Variants in SKAP2 observed in about 807,000 individuals in gnomAD.
SKAP2 encodes src kinase-associated phosphoprotein 2.
SKAP2 carries 28 observed loss-of-function variants against 54.9 expected under a neutral mutation model. The ratio of observed to expected loss-of-function variants is 0.51; its 90% CI spans 0.38 to 0.70. The LOEUF (loss-of-function observed/expected upper bound fraction) is 0.70. SKAP2 is among the 30% of genes least tolerant of loss of function. The pLI, the probability that SKAP2 is intolerant of heterozygous loss-of-function variation, is 0.00. For synonymous variants in SKAP2, 137 were observed against 134.3 expected (o/e 1.02, Z -0.14); for missense variants, 356 against 424.1 (o/e 0.84, Z 1.41).
At chr7:26,786,114 G>T (rs1321562643) in intron 4 of SKAP2, among the ~76,000 whole-genome samples, 1 of 152,196 alleles carries the variant, frequency 6.6e-6, no homozygotes, top group African/African-American at 2.4e-5. Flanking sequence ...GGCTCCTCTT[G>T]TCTGGGTCTA....
intron 7 of SKAP2, among the ~76,000 whole-genome samples, chr7:26,726,292 A>G (rs1484579233): frequency 1.3e-5 from 2 of 152,156 alleles, no homozygotes; most frequent in African/African-American, 4.8e-5. Flanking sequence ...GAAGACACCC[A>G]TGAATTTCTT....
At chr7:26,729,195 T>G (rs1189509640) in intron 6 of SKAP2, among the ~76,000 whole-genome samples, 2 of 152,108 alleles carry the variant, frequency 1.3e-5, no homozygotes, top group Admixed American at 6.6e-5. Context: ...TCAGAACTTC[T>G]GATACAGTCC....
At chr7:26,707,623 C>A (rs1344404832) in intron 9 of SKAP2, among the ~76,000 whole-genome samples, 1 of 152,154 alleles carries the variant, frequency 6.6e-6, no homozygotes, top group Non-Finnish European at 1.5e-5. Flanking sequence ...TTGCTCAAAG[C>A]AACATACTGA....
intron 11 of SKAP2, among the ~76,000 whole-genome samples, chr7:26,671,638 T>C (rs903736421): frequency 1.3e-5 from 2 of 151,990 alleles, no homozygotes; most frequent in African/African-American, 4.8e-5. Context: ...GCTATTGTTA[T>C]TCTATTGAGG....
At chr7:26,775,766 T>C (rs1232242074) in intron 4 of SKAP2, among the ~76,000 whole-genome samples, 1 of 152,208 alleles carries the variant, frequency 6.6e-6, no homozygotes, top group Non-Finnish European at 1.5e-5. Context: ...AAGAATGTCA[T>C]ATAAATGGAA....
chr7:26,793,703 G>C (rs1783714508), intron 4 of SKAP2, among the ~76,000 whole-genome samples: 1 of 152,122 alleles, frequency 6.6e-6, no homozygotes. Flanking sequence ...CAGTACTACA[G>C]TTTCCTCATC....
chr7:26,773,854 A>T (rs116248564), intron 4 of SKAP2, among the ~76,000 whole-genome samples: 1,804 of 152,310 alleles, frequency 0.012, 36 homozygotes, highest in African/African-American at 0.041. Flanking sequence ...AACAGAATCA[A>T]ATTGCAACTA....
At chr7:26,769,903 G>A (rs966821343) in intron 4 of SKAP2, among the ~76,000 whole-genome samples, 2 of 152,180 alleles carry the variant, frequency 1.3e-5, no homozygotes, top group African/African-American at 4.8e-5. Flanking sequence ...CTGCTGGGAG[G>A]TGTCTCCCAG....
intron 4 of SKAP2, among the ~76,000 whole-genome samples, chr7:26,803,938 C>T (rs764126293): frequency 2.0e-5 from 3 of 151,938 alleles, no homozygotes; most frequent in Non-Finnish European, 4.4e-5. Context: ...AACTCATAGA[C>T]ACGGAGTGTA....
intron 3 of SKAP2, among the ~76,000 whole-genome samples, chr7:26,851,991 A>G (rs1785053810): frequency 6.6e-6 from 1 of 152,188 alleles, no homozygotes; most frequent in Non-Finnish European, 1.5e-5. Flanking sequence ...AAATACATAT[A>G]TGCATATATG....
intron 4 of SKAP2, among the ~76,000 whole-genome samples, chr7:26,752,398 C>T (rs1782705622): frequency 6.6e-6 from 1 of 152,016 alleles, no homozygotes; most frequent in South Asian, 2.1e-4. Context: ...TCATATTGAG[C>T]CAAAAGCTTA....
At chr7:26,800,013 A>C (rs1053044804) in intron 4 of SKAP2, among the ~76,000 whole-genome samples, 71 of 151,092 alleles carry the variant, frequency 4.7e-4, no homozygotes, top group Non-Finnish European at 8.4e-4. Context: ...AGTCCCAGCT[A>C]CTTAGGAGGC....
At chr7:26,735,988 A>C (rs918387830) in intron 6 of SKAP2, among the ~76,000 whole-genome samples, 3 of 152,228 alleles carry the variant, frequency 2.0e-5, no homozygotes, top group Admixed American at 2.0e-4. Context: ...GGAGGCTGCA[A>C]AGTAAAAGGG....
In SKAP2 at chr7:26,738,815, T is replaced by C. The variant is rs201686969; in HGVS notation, c.449A>G (p.Tyr150Cys). 1.3e-6 allele frequency: 2 copies of C among 1,598,728 alleles called. No individual in the cohort carries two copies. Among genetic ancestry groups the C allele is most frequent in the East Asian group, 2.2e-5 (1 of 44,740 alleles). Residue 150 changes from tyrosine to cysteine, a missense_variant, in exon 6 of 13, where the codon TAT (tyrosine) becomes TGT (cysteine). By Grantham distance (194) the Tyr-to-Cys change is radical. Transcript: ENST00000345317. Reference protein sequence around the residue: ...RWCALSKTVFYYYGSDKDKQQ... With the variant: ...RWCALSKTVFCYYGSDKDKQQ... ...ATTACCTTTATCACTTCCATAATAA[T>C]AGAATACCGTTTTACTGAGAGCACA...
chr7:26,732,658 A>G (rs1263162903), intron 6 of SKAP2, among the ~76,000 whole-genome samples: 1 of 152,206 alleles, frequency 6.6e-6, no homozygotes, highest in Non-Finnish European at 1.5e-5. Flanking sequence ...ATGCCCATCA[A>G]TACTAGACCT....
rs1786185266 is a variant in SKAP2 at position 26,669,528 on chromosome 7, C to G, written c.*138G>C. 1 of 152,066 alleles carries G rather than the reference C, an allele frequency of 6.6e-6. No homozygotes were observed. 9.4% of individuals were successfully genotyped at this position (152,066 alleles called of 1,614,324 possible). A position where few individuals can be genotyped will look rare whatever the true frequency, so the allele number is the denominator to read the frequency against. Reference sequence around the variant, plus strand: ...ATCAGAGGAATATTTTAATGAGCGACTGCATAAAATAACAGTCAAAGATAA... The same window carrying G: ...ATCAGAGGAATATTTTAATGAGCGAGTGCATAAAATAACAGTCAAAGATAA... On this transcript the variant is annotated 3_prime_UTR_variant, in exon 13 of 13. Transcript: ENST00000345317.
At chr7:26,796,772 T>C (rs1783790335) in intron 4 of SKAP2, among the ~76,000 whole-genome samples, 1 of 152,258 alleles carries the variant, frequency 6.6e-6, no homozygotes, top group South Asian at 2.1e-4. Context: ...AAATATGTGT[T>C]AATCAACTGT....
intron 11 of SKAP2, among the ~76,000 whole-genome samples, chr7:26,676,668 A>G (rs1248396687): frequency 6.6e-6 from 1 of 152,186 alleles, no homozygotes; most frequent in Non-Finnish European, 1.5e-5. Context: ...TATCTGCCAT[A>G]CTGTTAACAT....
At chr7:26,774,941 T>A (rs969299289) in intron 4 of SKAP2, among the ~76,000 whole-genome samples, 2 of 152,178 alleles carry the variant, frequency 1.3e-5, no homozygotes, top group African/African-American at 4.8e-5. Flanking sequence ...ACATCACACA[T>A]GTTGATTTGG....
Sources: allele counts gnomAD v4.1 joint callset (sites outside exome capture counted in the v4.1 genomes callset), GRCh38; gene constraint gnomAD v4.1.1; transcripts MANE v1.5; gene names NCBI Gene and HGNC (gene_info 2026-07-23, HGNC 2026-07-21).